DNAI3: variants seen among roughly 807,000 people sequenced by gnomAD.
DNAI3 encodes dynein axonemal intermediate chain 3.
Under a neutral mutation model 115.5 loss-of-function variants are expected in DNAI3, and 83 were observed. The ratio of observed to expected loss-of-function variants is 0.72; its 90% CI spans 0.60 to 0.86. DNAI3 has a LOEUF of 0.86. Ranked by LOEUF, DNAI3 falls within the 40% of genes least tolerant of loss-of-function variation. The probability of loss-of-function intolerance (pLI) is 0.00; values close to 1 mark genes in which losing one functional copy is unlikely to be tolerated. For missense variants in DNAI3, 1,004 were observed against 1,075.8 expected, an observed-to-expected ratio of 0.93 and a Z score of 0.93; for synonymous variants, 320 against 347.0, an observed-to-expected ratio of 0.92 and a Z score of 0.86.
chr1:85,127,865 A>G (rs1656194755), intron 20 of DNAI3, among the ~76,000 whole-genome samples: 1 of 152,188 alleles, frequency 6.6e-6, no homozygotes, highest in Non-Finnish European at 1.5e-5. Context: ...CTCTAATCCC[A>G]GCACTTTGGG....
At chr1:85,072,254 A>ATAAT (rs1385729705) in intron 2 of DNAI3, among the ~76,000 whole-genome samples, 1 of 152,228 alleles carries the variant, frequency 6.6e-6, no homozygotes, top group African/African-American at 2.4e-5. Context: ...GTGAAAGACA[A>ATAAT]TTATTCAGAT....
At chr1:85,089,626 G>A (rs572307505) in intron 7 of DNAI3, among the ~76,000 whole-genome samples, 2 of 151,876 alleles carry the variant, frequency 1.3e-5, no homozygotes, top group African/African-American at 2.4e-5. Flanking sequence ...TGCTTTGTAG[G>A]GTTTTTAACA....
intron 7 of DNAI3, 124 bp from the exon 8 acceptor site, chr1:85,089,992 T>A: frequency 2.6e-6 from 1 of 389,654 alleles, no homozygotes; most frequent in Non-Finnish European, 4.6e-6. Flanking sequence ...TCAATGTATA[T>A]AATTTAAATA....
chr1:85,079,898 G>A (rs1654578586), intron 3 of DNAI3, among the ~76,000 whole-genome samples: 1 of 151,976 alleles, frequency 6.6e-6, no homozygotes, highest in African/African-American at 2.4e-5. Context: ...CTGTGTCCAA[G>A]GGTTTATTAA....
intron 1 of DNAI3, among the ~76,000 whole-genome samples, chr1:85,070,805 A>C (rs934407113): frequency 9.2e-5 from 14 of 152,248 alleles, no homozygotes; most frequent in African/African-American, 3.4e-4. Flanking sequence ...ACACAAGTAA[A>C]GTACTTGGAA....
At chr1:85,104,120 C>CTT (rs1203756791) in intron 13 of DNAI3, among the ~76,000 whole-genome samples, 17 of 133,514 alleles carry the variant, frequency 1.3e-4, no homozygotes, top group African/African-American at 4.5e-4. Flanking sequence ...GTGGTATGTC[C>CTT]TTTTTTTTTT....
chr1:85,094,664 C>T, intron 10 of DNAI3, 109 bp downstream of exon 10: 1 of 1,342,876 alleles, frequency 7.4e-7, no homozygotes, highest in Non-Finnish European at 1.0e-6. Flanking sequence ...ATGTTGTAAA[C>T]ATTTATAAAG....
intron 17 of DNAI3, among the ~76,000 whole-genome samples, chr1:85,120,474 G>A (rs541131866): frequency 6.6e-6 from 1 of 152,342 alleles, no homozygotes; most frequent in South Asian, 2.1e-4. Flanking sequence ...TTCCAGCTAG[G>A]TGACTGATGA....
intron 16 of DNAI3, among the ~76,000 whole-genome samples, chr1:85,110,483 A>AAATAAATAAATAAATT (rs60988718): frequency 3.3e-5 from 5 of 150,250 alleles, no homozygotes; most frequent in Admixed American, 1.3e-4. Context: ...ATAAATAAAT[A>AAATAAATAAATAAATT]CATTTACTAA....
At chr1:85,115,859 C>A (rs538094117) in intron 16 of DNAI3, among the ~76,000 whole-genome samples, 1 of 152,204 alleles carries the variant, frequency 6.6e-6, no homozygotes, top group African/African-American at 2.4e-5. Flanking sequence ...AATGCTCTTT[C>A]GCCCACCTGC....
chr1:85,103,522 C>T (rs1183345316), intron 13 of DNAI3, among the ~76,000 whole-genome samples: 2 of 152,170 alleles, frequency 1.3e-5, no homozygotes, highest in Non-Finnish European at 1.5e-5. Flanking sequence ...GAAAAACTGA[C>T]AGAGCCTACA....
In DNAI3 at chr1:85,069,025, G is replaced by A. The variant is rs538324364; in HGVS notation, c.-14-2903G>A. Among the ~76,000 whole-genome samples the A allele has an allele frequency of 2.3e-3, 348 of 152,320 alleles. 1 individual carries two copies. The highest frequency in any genetic ancestry group is 8.1e-3 in the African/African-American group (338 of 41,568). Reference sequence around the variant, plus strand: ...CAGCTCATCCACACCACAGTGCATAGCATGAGAAGAAATAAATGTTTGTTA... The same window carrying A: ...CAGCTCATCCACACCACAGTGCATAACATGAGAAGAAATAAATGTTTGTTA... On this transcript the variant is annotated intron_variant, in intron 1 of 22. Coordinates refer to ENST00000294664, the MANE Select transcript of DNAI3 (RefSeq NM_145172.5).
At chr1:85,099,184 T>C in intron 13 of DNAI3, 2 of 920,266 alleles carry the variant, frequency 2.2e-6, no homozygotes, top group Non-Finnish European at 2.6e-6. Flanking sequence ...GACTATAACC[T>C]CACAAAGCAT....
intron 16 of DNAI3, 124 bp from the exon 17 acceptor site, chr1:85,117,605 T>C: frequency 7.6e-7 from 1 of 1,310,628 alleles, no homozygotes; most frequent in African/African-American, 1.5e-5. Flanking sequence ...GGACTTATGC[T>C]CACTACATTG....
rs747182135 is a variant in DNAI3, at chr1:85,110,149, C to T, written c.1786+14C>T. 12 of 1,575,924 alleles carry T rather than the reference C, an allele frequency of 7.6e-6. No homozygotes were observed. In the South Asian group the frequency reaches 1.2e-4, roughly 16 times the overall value. ...GCAAAACACAAGGTAACTGCCTTTG[C>T]TTATTTAAAAAAAAAAAAAAGGCCG... On this transcript the variant is annotated intron_variant, in intron 16 of 22. Transcript: ENST00000294664.
intron 9 of DNAI3, 153 bp downstream of exon 9, chr1:85,093,801 C>A: frequency 2.3e-6 from 2 of 862,636 alleles, no homozygotes; most frequent in Non-Finnish European, 3.8e-6. Flanking sequence ...TCCACGCCCT[C>A]ACTGTCATGT....
At chr1:85,087,897 A>C (rs1571168887) in intron 7 of DNAI3, among the ~76,000 whole-genome samples, 1 of 152,182 alleles carries the variant, frequency 6.6e-6, no homozygotes, top group South Asian at 2.1e-4. Context: ...AAAAACCATG[A>C]AAGTGCAATG....
At chr1:85,118,411 G>C (rs1388765541) in intron 17 of DNAI3, among the ~76,000 whole-genome samples, 1 of 152,122 alleles carries the variant, frequency 6.6e-6, no homozygotes, top group Admixed American at 6.6e-5. Flanking sequence ...AATCCTGTAA[G>C]GTTGGTATTA....
intron 14 of DNAI3, among the ~76,000 whole-genome samples, chr1:85,107,780 T>C (rs937842126): frequency 6.6e-6 from 1 of 152,226 alleles, no homozygotes; most frequent in Non-Finnish European, 1.5e-5. Context: ...AAAACTTACA[T>C]TTTTAAAAGA....
Sources: allele counts gnomAD v4.1 joint callset (sites outside exome capture counted in the v4.1 genomes callset), GRCh38; gene constraint gnomAD v4.1.1; transcripts MANE v1.5; gene names NCBI Gene and HGNC (gene_info 2026-07-23, HGNC 2026-07-21).